ADCY2: variants seen among roughly 807,000 people sequenced by gnomAD.
ADCY2 encodes adenylate cyclase 2.
A neutral mutation model predicts 125.2 loss-of-function variants in ADCY2; 31 were observed. The observed-to-expected ratio is 0.25, with a 90% CI of 0.19 to 0.33. ADCY2 has a LOEUF of 0.33. Ranked by LOEUF, ADCY2 falls within the 10% of genes least tolerant of loss-of-function variation. The pLI, the probability that ADCY2 is intolerant of heterozygous loss-of-function variation, is 1.00. For missense variants in ADCY2, 904 were observed against 1,418.2 expected, an observed-to-expected ratio of 0.64 and a Z score of 5.82; for synonymous variants, 512 against 548.4, an observed-to-expected ratio of 0.93 and a Z score of 0.93.
chr5:7,470,511 T>A (rs1435009885), intron 2 of ADCY2, among the ~76,000 whole-genome samples: 2 of 148,520 alleles, frequency 1.3e-5, no homozygotes, highest in Non-Finnish European at 3.0e-5. Flanking sequence ...GTTTTAATTA[T>A]AATTATATGA....
chr5:7,619,383 G>A (rs1160154247), intron 3 of ADCY2, among the ~76,000 whole-genome samples: 1 of 152,124 alleles, frequency 6.6e-6, no homozygotes, highest in Non-Finnish European at 1.5e-5. Context: ...CTGCAGAATA[G>A]GTCAAGGATG....
intron 3 of ADCY2, among the ~76,000 whole-genome samples, chr5:7,588,887 C>T (rs548230709): frequency 3.8e-4 from 58 of 152,066 alleles, no homozygotes; most frequent in African/African-American, 8.4e-4. Flanking sequence ...ACAAATAATA[C>T]GACACGTAAG....
intron 3 of ADCY2, among the ~76,000 whole-genome samples, chr5:7,612,807 G>C (rs1364684398): frequency 6.6e-6 from 1 of 152,176 alleles, no homozygotes; most frequent in Non-Finnish European, 1.5e-5. Context: ...ACAAGGTCAG[G>C]AGATCGAGAC....
At chr5:7,511,868 T>G (rs1744074854) in intron 2 of ADCY2, among the ~76,000 whole-genome samples, 1 of 151,796 alleles carries the variant, frequency 6.6e-6, no homozygotes, top group Non-Finnish European at 1.5e-5. Flanking sequence ...CAGGACTAGA[T>G]CATGAGAGAC....
At chr5:7,702,999 T>C (rs1307920918) in intron 7 of ADCY2, among the ~76,000 whole-genome samples, 2 of 152,258 alleles carry the variant, frequency 1.3e-5, no homozygotes, top group African/African-American at 2.4e-5. Flanking sequence ...CATTTTTTCA[T>C]GTGTCTGTTG....
chr5:7,587,005 G>A (rs1736650174), intron 3 of ADCY2, among the ~76,000 whole-genome samples: 1 of 152,188 alleles, frequency 6.6e-6, no homozygotes, highest in Admixed American at 6.5e-5. Context: ...CAAAGACATA[G>A]ATATAGGTGA....
intron 3 of ADCY2, among the ~76,000 whole-genome samples, chr5:7,529,250 T>TGAGGGATAAAC (rs1297700538): frequency 2.6e-4 from 11 of 42,556 alleles, no homozygotes; most frequent in Non-Finnish European, 3.8e-4. Flanking sequence ...GAGGACTTAA[T>TGAGGGATAAAC]GAAAAGGACT....
Position 7,826,985 on chromosome 5 carries a change from C to T in ADCY2, c.*114C>T. On this transcript the variant is annotated 3_prime_UTR_variant, in exon 25 of 25. Transcript: ENST00000338316. ...GTGCGTGCTGTCTGTCCTATGGAGCCTCTGCAGACTCGTTCTCGTGACCCA... is the reference window on the plus strand; with the variant it reads ...GTGCGTGCTGTCTGTCCTATGGAGCTTCTGCAGACTCGTTCTCGTGACCCA... The T allele has an allele frequency of 9.3e-6, 12 of 1,293,670 alleles. No homozygotes were observed. In the South Asian group the frequency reaches 1.5e-4, roughly 16 times the overall value. The allele number at this position is 1,293,670 out of a possible 1,614,324, so 80.1% of individuals were successfully genotyped here.
intron 1 of ADCY2, among the ~76,000 whole-genome samples, chr5:7,404,874 G>A (rs1200395606): frequency 1.3e-5 from 2 of 152,158 alleles, no homozygotes; most frequent in Non-Finnish European, 2.9e-5. Flanking sequence ...TGGTCATGCT[G>A]GCTTGCAACT....
chr5:7,649,480 T>G (rs1006831966), intron 4 of ADCY2, among the ~76,000 whole-genome samples: 1 of 152,214 alleles, frequency 6.6e-6, no homozygotes, highest in Non-Finnish European at 1.5e-5. Context: ...AAAGTACATA[T>G]TTTTTCTTCT....
At chr5:7,769,092 G>C (rs921895119) in intron 17 of ADCY2, among the ~76,000 whole-genome samples, 1 of 152,170 alleles carries the variant, frequency 6.6e-6, no homozygotes, top group African/African-American at 2.4e-5. Flanking sequence ...GTGGTATAAA[G>C]TGATATAACT....
At chr5:7,545,388 G>A (rs1442020188) in intron 3 of ADCY2, among the ~76,000 whole-genome samples, 1 of 152,194 alleles carries the variant, frequency 6.6e-6, no homozygotes, top group Non-Finnish European at 1.5e-5. Flanking sequence ...TAGAGAACCT[G>A]TTTCCTACTG....
chr5:7,653,539 T>C (rs1180163176), intron 4 of ADCY2, among the ~76,000 whole-genome samples: 1 of 150,614 alleles, frequency 6.6e-6, no homozygotes, highest in African/African-American at 2.4e-5. Context: ...ACCCGGGAGG[T>C]GGAGCTTGTA....
At chr5:7,433,414 T>TTG (rs145258766) in intron 2 of ADCY2, among the ~76,000 whole-genome samples, 322 of 151,520 alleles carry the variant, frequency 2.1e-3, no homozygotes, top group African/African-American at 6.9e-3. Flanking sequence ...CATACATGGT[T>TTG]TGTGTGTGTG....
chr5:7,812,803 G>A (rs1046461137), intron 22 of ADCY2, among the ~76,000 whole-genome samples: 4 of 152,162 alleles, frequency 2.6e-5, no homozygotes, highest in Non-Finnish European at 5.9e-5. Flanking sequence ...CCAGTTACTC[G>A]GGAGGCTGAG....
At chr5:7,435,572 T>C (rs1023184167) in intron 2 of ADCY2, among the ~76,000 whole-genome samples, 9 of 152,246 alleles carry the variant, frequency 5.9e-5, no homozygotes, top group African/African-American at 2.2e-4. Flanking sequence ...GAACATACTT[T>C]TCCTTAAGAA....
intron 3 of ADCY2, among the ~76,000 whole-genome samples, chr5:7,571,495 C>T (rs1389438489): frequency 6.6e-6 from 1 of 152,154 alleles, no homozygotes; most frequent in Non-Finnish European, 1.5e-5. Flanking sequence ...CTTCATTACT[C>T]AGCCTGCTAA....
chr5:7,710,293 A>G (rs1237083154), intron 10 of ADCY2, among the ~76,000 whole-genome samples: 4 of 152,220 alleles, frequency 2.6e-5, no homozygotes, highest in African/African-American at 4.8e-5. Flanking sequence ...ACTAAAAAGT[A>G]AATGTGACTA....
intron 4 of ADCY2, among the ~76,000 whole-genome samples, chr5:7,643,388 G>A (rs1738780061): frequency 6.6e-6 from 1 of 151,890 alleles, no homozygotes; most frequent in Non-Finnish European, 1.5e-5. Flanking sequence ...TTCTACCTGA[G>A]CTCATATGCA....
Sources: allele counts gnomAD v4.1 joint callset (sites outside exome capture counted in the v4.1 genomes callset), GRCh38; gene constraint gnomAD v4.1.1; transcripts MANE v1.5; gene names NCBI Gene and HGNC (gene_info 2026-07-23, HGNC 2026-07-21).